Variants in KLF14 observed in about 807,000 individuals in gnomAD.
KLF14 encodes KLF transcription factor 14, also known as Krueppel-like factor 14.
A neutral mutation model predicts 16.2 loss-of-function variants in KLF14; 13 were observed. The observed-to-expected ratio is 0.80, with a 90% CI of 0.52 to 1.28. The LOEUF is 1.28. KLF14 is among the 50% of genes most tolerant of loss of function. The probability of loss-of-function intolerance (pLI) is 0.00; values close to 1 mark genes in which losing one functional copy is unlikely to be tolerated. For synonymous variants in KLF14, 276 were observed against 233.7 expected (o/e 1.18, Z -1.65); for missense variants, 571 against 493.4 (o/e 1.16, Z -1.49).
chr7:130,734,006 A>G lies in KLF14; in HGVS notation c.28T>C (p.Tyr10His). 7.4e-7 allele frequency: 1 copy of G among 1,354,820 alleles called. No individual in the cohort carries two copies. The highest frequency in any genetic ancestry group is 9.5e-7 in the Non-Finnish European group (1 of 1,047,872). 83.9% of individuals were successfully genotyped at this position (1,354,820 alleles called of 1,614,324 possible). A position where few individuals can be genotyped will look rare whatever the true frequency, so the allele number is the denominator to read the frequency against. Reference sequence around the variant, plus strand: ...GACACCAGGCACTCGGCGGCGAAGTAGTCCAGGCACGCCACGGCGGCCGAC... The same window carrying G: ...GACACCAGGCACTCGGCGGCGAAGTGGTCCAGGCACGCCACGGCGGCCGAC... MSAAVACLD[Y>H]FAAECLVSMS... The change falls in exon 1 of 1, where the codon TAC becomes CAC. Residue 10 changes from tyrosine (Y) to histidine (H), a missense_variant. Coordinates refer to ENST00000583337, the MANE Select transcript of KLF14 (RefSeq NM_138693.4). This position sits in a 1 kb window ranked among gnomAD's most constrained non-coding sequence, Gnocchi z 4.4.
rs2116397691 is a variant in KLF14 at position 130,733,876 on chromosome 7, G to A, written c.158C>T (p.Pro53Leu). ...CGCGGGCCCCGGTGGCCCCGGACCC[G>A]GCAGAGCGGACTCCGGCGGCGCCGC... ...VGAAPPESAL[P>L]GPGPPGPASV... The change falls in exon 1 of 1, where the codon CCG becomes CTG. Residue 53 changes from proline (P) to leucine (L), a missense_variant. By Grantham distance (98) the Pro-to-Leu change is moderately conservative. Transcript: ENST00000583337. This position sits in a 1 kb window ranked among gnomAD's most constrained non-coding sequence, Gnocchi z 5.2. 13 of 1,335,652 alleles carry A rather than the reference G, an allele frequency of 9.7e-6. No homozygotes were observed. The South Asian group carries it at 2.1e-4, about 22-fold the overall frequency. The allele number at this position is 1,335,652 out of a possible 1,614,324, so 82.7% of individuals were successfully genotyped here.
chr7:130,731,782 G>C lies in KLF14; in HGVS notation c.*1280C>G, dbSNP rs965947347. On this transcript the variant is annotated 3_prime_UTR_variant, in exon 1 of 1. Transcript: ENST00000583337. ...CAGTGATTTCATCCACAGCAGCAGA[G>C]ACACATATAGAAAAAACAAATACTG... The C allele has an allele frequency of 1.3e-5, 2 of 152,132 alleles. No homozygotes were observed. The highest frequency in any genetic ancestry group is 6.5e-5 in the Admixed American group (1 of 15,268). The allele number at this position is 152,132 out of a possible 1,614,324, so 9.4% of individuals were successfully genotyped here.
rs1797227635 is a variant in KLF14 at position 130,733,392 on chromosome 7, G to A, written c.642C>T (p.Ser214=). The A allele has an allele frequency of 6.2e-6, 10 of 1,614,048 alleles. No individual in the cohort carries two copies. Among genetic ancestry groups the A allele is most frequent in the South Asian group, 1.1e-5 (1 of 91,086 alleles). ...GCTCACCCGTGTGGGTGCGCTGGTG[G>A]GACTTGAGGTGCGACGACTTGTAAT... is the stretch of plus-strand genomic sequence containing the variant. The part of the protein sequence containing the change: ...KAYYKSSHLK[S]HQRTHTGERP... The change falls in exon 1 of 1, where the codon TCC becomes TCT. Residue 214 remains serine (S), a synonymous_variant. Coordinates refer to ENST00000583337, the MANE Select transcript of KLF14 (RefSeq NM_138693.4). The surrounding 1 kb of genome is among the most constrained non-coding windows in gnomAD (Gnocchi z 5.2).
In KLF14 at chr7:130,733,575, C is replaced by A. The variant is rs138225855; in HGVS notation, c.459G>T (p.Ala153=). The A allele has an allele frequency of 0.014, 21,827 of 1,551,734 alleles. 209 individuals carry two copies. The highest frequency in any genetic ancestry group is 0.017 in the Non-Finnish European group (19,125 of 1,149,178). Residue 153 remains alanine, a synonymous_variant, in exon 1 of 1, where the codon GCG becomes GCT. Coordinates refer to ENST00000583337, the MANE Select transcript of KLF14 (RefSeq NM_138693.4). The surrounding 1 kb of genome is among the most constrained non-coding windows in gnomAD (Gnocchi z 5.2). Reference sequence around the variant, plus strand: ...CTGCTGGTGCGCCCGGGGCAGCAGGCGCGCTTGGGACGGCGGGCGCATCGG... The same window carrying A: ...CTGCTGGTGCGCCCGGGGCAGCAGGAGCGCTTGGGACGGCGGGCGCATCGG... ...SSSDAPAVPS[A]PAAPGAPAAS...
In KLF14 at chr7:130,733,247, G is replaced by C; in HGVS notation, c.787C>G (p.Gln263Glu). Residue 263 changes from glutamine (Q) to glutamate (E), a missense_variant, in exon 1 of 1, where the codon CAG becomes GAG. Transcript: ENST00000583337. The surrounding 1 kb of genome is among the most constrained non-coding windows in gnomAD (Gnocchi z 5.2). ...KRFSCPLCPK[Q>E]FSRSDHLTKH... is the part of the protein sequence containing the mutation. ...GTCAGGTGGTCGCTCCGGGAGAACT[G>C]CTTGGGGCAGAGGGGGCAGGAGAAG... is the stretch of plus-strand genomic sequence containing the variant. 1 of 1,612,396 alleles carries C rather than the reference G, an allele frequency of 6.2e-7. No homozygotes were observed. The highest frequency in any genetic ancestry group is 2.2e-5 in the East Asian group (1 of 44,796).
At position 130,734,079 on chromosome 7, in the gene KLF14, G is replaced by T; in HGVS notation, c.-46C>A. 1 of 1,135,570 alleles carries T rather than the reference G, an allele frequency of 8.8e-7. No homozygotes were observed. Among genetic ancestry groups the T allele is most frequent in the Non-Finnish European group, 1.1e-6 (1 of 919,302 alleles). The allele number at this position is 1,135,570 out of a possible 1,614,324, so 70.3% of individuals were successfully genotyped here. A position where few individuals can be genotyped will look rare whatever the true frequency, so the allele number is the denominator to read the frequency against. ...GGCGAGCGCCGTCCGAACGCGGCCG[G>T]CCGCGGGCGACGGAGTTCCCGGGAG... is the stretch of plus-strand genomic sequence containing the variant. On this transcript the variant is annotated 5_prime_UTR_variant, in exon 1 of 1. Transcript: ENST00000583337. This position sits in a 1 kb window ranked among gnomAD's most constrained non-coding sequence, Gnocchi z 4.4.
At position 130,732,984 on chromosome 7, in the gene KLF14, G is replaced by T; in HGVS notation, c.*78C>A. The T allele has an allele frequency of 6.7e-7, 1 of 1,483,322 alleles. No individual in the cohort carries two copies. 91.9% of individuals were successfully genotyped at this position (1,483,322 alleles called of 1,614,324 possible). A position where few individuals can be genotyped will look rare whatever the true frequency, so the allele number is the denominator to read the frequency against. On this transcript the variant is annotated 3_prime_UTR_variant, in exon 1 of 1. Coordinates refer to ENST00000583337, the MANE Select transcript of KLF14 (RefSeq NM_138693.4). ...GCCTTGGTGTAATGACTCTGGGAAA[G>T]AAGGATGGGCAGAGAGAAAGCAGGG...
rs1243351026 is a variant in KLF14 at position 130,731,921 on chromosome 7, T to G, written c.*1141A>C. 1.3e-5 allele frequency: 2 copies of G among 152,184 alleles called. No homozygotes were observed. Among genetic ancestry groups the G allele is most frequent in the Non-Finnish European group, 2.9e-5 (2 of 68,046 alleles). 9.4% of individuals were successfully genotyped at this position (152,184 alleles called of 1,614,324 possible). A position where few individuals can be genotyped will look rare whatever the true frequency, so the allele number is the denominator to read the frequency against. On this transcript the variant is annotated 3_prime_UTR_variant, in exon 1 of 1. Transcript: ENST00000583337. Reference sequence around the variant, plus strand: ...TTCATAATAGCTATCACCTTGCTACTCCTTCCTCAAATCCAAGGCAGCCAG... The same window carrying G: ...TTCATAATAGCTATCACCTTGCTACGCCTTCCTCAAATCCAAGGCAGCCAG...
chr7:130,733,030 C>T lies in KLF14; in HGVS notation c.*32G>A, dbSNP rs1554470751. ...CAGGGACAACGGCCTGGGGGATCATCCTTGAGGGTAAGACTGACAGCAATG... is the reference window on the plus strand; with the variant it reads ...CAGGGACAACGGCCTGGGGGATCATTCTTGAGGGTAAGACTGACAGCAATG... On this transcript the variant is annotated 3_prime_UTR_variant, in exon 1 of 1. Coordinates refer to ENST00000583337, the MANE Select transcript of KLF14 (RefSeq NM_138693.4). This position sits in a 1 kb window ranked among gnomAD's most constrained non-coding sequence, Gnocchi z 5.2. 6.5e-7 allele frequency: 1 copy of T among 1,528,884 alleles called. No homozygotes were observed. The highest frequency in any genetic ancestry group is 8.8e-7 in the Non-Finnish European group (1 of 1,139,948). 94.7% of individuals were successfully genotyped at this position (1,528,884 alleles called of 1,614,324 possible).
rs991010200 is a variant in KLF14, at chr7:130,732,283, T to C, written c.*779A>G. 2 of 152,308 alleles carry C rather than the reference T, an allele frequency of 1.3e-5. No homozygotes were observed. The highest frequency in any genetic ancestry group is 4.1e-4 in the South Asian group (2 of 4,820). 9.4% of individuals were successfully genotyped at this position (152,308 alleles called of 1,614,324 possible). ...GGTAGTTTTCAAATTGTTTAACCAA[T>C]CTCAGCGTGAGAGTGAGCCAGGAAG... is the stretch of plus-strand genomic sequence containing the variant. On this transcript the variant is annotated 3_prime_UTR_variant, in exon 1 of 1. Coordinates refer to ENST00000583337, the MANE Select transcript of KLF14 (RefSeq NM_138693.4).
Position 130,733,834 on chromosome 7 carries a change from G to A in KLF14, c.200C>T (p.Pro67Leu), listed in dbSNP as rs1391411877. 2.9e-6 allele frequency: 4 copies of A among 1,377,912 alleles called. No individual in the cohort carries two copies. Among genetic ancestry groups the A allele is most frequent in the Non-Finnish European group, 3.7e-6 (4 of 1,076,448 alleles). The allele number at this position is 1,377,912 out of a possible 1,614,324, so 85.4% of individuals were successfully genotyped here. ...PPGPASVPQL[P>L]QVPAPSPGAG... Reference sequence around the variant, plus strand: ...GCCGGGGCTGGGGGCGGGGACCTGCGGGAGCTGGGGGACCGACGCGGGCCC... The same window carrying A: ...GCCGGGGCTGGGGGCGGGGACCTGCAGGAGCTGGGGGACCGACGCGGGCCC... The change falls in exon 1 of 1, where the codon CCG becomes CTG. Residue 67 changes from proline to leucine, a missense_variant. Pro to Leu is a moderately conservative substitution (Grantham distance 98). Transcript: ENST00000583337. This position sits in a 1 kb window ranked among gnomAD's most constrained non-coding sequence, Gnocchi z 5.2.
In KLF14 at chr7:130,733,070, A is replaced by C. The variant is rs782398099; in HGVS notation, c.964T>G (p.Cys322Gly). The C allele has an allele frequency of 2.6e-6, 4 of 1,563,426 alleles. No homozygotes were observed. The highest frequency in any genetic ancestry group is 3.5e-6 in the Non-Finnish European group (4 of 1,153,558). ...GPGPAPSFTTCL is the reference protein window; with the variant it reads ...GPGPAPSFTTGL ...TGACAGCAATGACTGTCCTACAGGC[A>C]GGTGGTGAAGCTGGGCGCCGGGCCG... is the stretch of plus-strand genomic sequence containing the variant. The change falls in exon 1 of 1, where the codon TGC (cysteine) becomes GGC (glycine). Residue 322 changes from cysteine to glycine, a missense_variant. Physicochemically the swap from Cys to Gly is radical, Grantham distance 159. Coordinates refer to ENST00000583337, the MANE Select transcript of KLF14 (RefSeq NM_138693.4). This position sits in a 1 kb window ranked among gnomAD's most constrained non-coding sequence, Gnocchi z 5.2.
In KLF14 at chr7:130,734,059, G is replaced by GCGCCGTCCGAA; in HGVS notation, c.-37_-27dup. On this transcript the variant is annotated 5_prime_UTR_variant, in exon 1 of 1. Coordinates refer to ENST00000583337, the MANE Select transcript of KLF14 (RefSeq NM_138693.4). The surrounding 1 kb of genome is among the most constrained non-coding windows in gnomAD (Gnocchi z 4.4). The stretch of plus-strand genomic sequence containing the variant: ...GCTGGGACCGCCCGGCCGCCGGCGA[G>GCGCCGTCCGAA]CGCCGTCCGAACGCGGCCGGCCGCG... 8.3e-7 allele frequency: 1 copy of GCGCCGTCCGAA among 1,204,564 alleles called. No homozygotes were observed. The highest frequency in any genetic ancestry group is 3.3e-5 in the South Asian group (1 of 30,418). The allele number at this position is 1,204,564 out of a possible 1,614,324, so 74.6% of individuals were successfully genotyped here.
chr7:130,732,905 C>T lies in KLF14; in HGVS notation c.*157G>A. On this transcript the variant is annotated 3_prime_UTR_variant, in exon 1 of 1. Transcript: ENST00000583337. ...CTATTTTCCGGCCCCCAGTACCTCC[C>T]CAGAGTCCACATGTCTGCCTGGACC... The T allele has an allele frequency of 1.1e-6, 1 of 917,046 alleles. No individual in the cohort carries two copies. The highest frequency in any genetic ancestry group is 1.6e-6 in the Non-Finnish European group (1 of 629,316). 56.8% of individuals were successfully genotyped at this position (917,046 alleles called of 1,614,324 possible).
Position 130,732,890 on chromosome 7 carries a change from G to T in KLF14, c.*172C>A. ...TTGCAAGAATTCCCGCTATTTTCCG[G>T]CCCCCAGTACCTCCCCAGAGTCCAC... On this transcript the variant is annotated 3_prime_UTR_variant, in exon 1 of 1. Coordinates refer to ENST00000583337, the MANE Select transcript of KLF14 (RefSeq NM_138693.4). The T allele has an allele frequency of 1.3e-6, 1 of 793,042 alleles. No homozygotes were observed. Among genetic ancestry groups the T allele is most frequent in the Non-Finnish European group, 1.9e-6 (1 of 522,348 alleles). 49.1% of individuals were successfully genotyped at this position (793,042 alleles called of 1,614,324 possible). A position where few individuals can be genotyped will look rare whatever the true frequency, so the allele number is the denominator to read the frequency against.
In KLF14 at chr7:130,733,289, G is replaced by T. The variant is rs1797224879; in HGVS notation, c.745C>A (p.His249Asn). The T allele has an allele frequency of 6.2e-7, 1 of 1,613,848 alleles. No homozygotes were observed. The highest frequency in any genetic ancestry group is 1.1e-5 in the South Asian group (1 of 91,044). Residue 249 changes from histidine to asparagine, a missense_variant, in exon 1 of 1, where the codon CAC becomes AAC. His to Asn is a moderately conservative substitution (Grantham distance 68). Transcript: ENST00000583337. This position sits in a 1 kb window ranked among gnomAD's most constrained non-coding sequence, Gnocchi z 5.2. The part of the protein sequence containing the change: ...SDELARHYRT[H>N]TGEKRFSCPL... Reference sequence around the variant, plus strand: ...CAGGAGAAGCGCTTCTCGCCCGTGTGCGTCCTGTAGTGGCGGGCCAGCTCG... The same window carrying T: ...CAGGAGAAGCGCTTCTCGCCCGTGTTCGTCCTGTAGTGGCGGGCCAGCTCG...
chr7:130,734,060 C>T lies in KLF14; in HGVS notation c.-27G>A. 8.3e-7 allele frequency: 1 copy of T among 1,201,820 alleles called. No individual in the cohort carries two copies. The highest frequency in any genetic ancestry group is 1.0e-6 in the Non-Finnish European group (1 of 971,290). 74.4% of individuals were successfully genotyped at this position (1,201,820 alleles called of 1,614,324 possible). On this transcript the variant is annotated 5_prime_UTR_variant, in exon 1 of 1. Transcript: ENST00000583337. The surrounding 1 kb of genome is among the most constrained non-coding windows in gnomAD (Gnocchi z 4.4). The stretch of plus-strand genomic sequence containing the variant: ...CTGGGACCGCCCGGCCGCCGGCGAG[C>T]GCCGTCCGAACGCGGCCGGCCGCGG...
Position 130,733,948 on chromosome 7 carries a change from G to A in KLF14, c.86C>T (p.Pro29Leu), listed in dbSNP as rs1797255641. The A allele has an allele frequency of 7.3e-7, 1 of 1,367,044 alleles. No individual in the cohort carries two copies. The highest frequency in any genetic ancestry group is 9.5e-7 in the Non-Finnish European group (1 of 1,056,608). The allele number at this position is 1,367,044 out of a possible 1,614,324, so 84.7% of individuals were successfully genotyped here. The stretch of plus-strand genomic sequence containing the variant: ...TCCACCCGCGCCCTCGGGGTCCGGC[G>A]GGCGGCGGTGAACCACGGCGCCCGC... Reference protein sequence around the residue: ...MSAGAVVHRRPPDPEGAGGAA... With the variant: ...MSAGAVVHRRLPDPEGAGGAA... The change falls in exon 1 of 1, where the codon CCG becomes CTG. Residue 29 changes from proline to leucine, a missense_variant. Transcript: ENST00000583337. The surrounding 1 kb of genome is among the most constrained non-coding windows in gnomAD (Gnocchi z 5.2).
At position 130,732,500 on chromosome 7, in the gene KLF14, G is replaced by A. The variant is rs1797205441; in HGVS notation, c.*562C>T. 6.6e-6 allele frequency: 1 copy of A among 152,498 alleles called. No homozygotes were observed. Among genetic ancestry groups the A allele is most frequent in the South Asian group, 2.1e-4 (1 of 4,838 alleles). 9.4% of individuals were successfully genotyped at this position (152,498 alleles called of 1,614,324 possible). A position where few individuals can be genotyped will look rare whatever the true frequency, so the allele number is the denominator to read the frequency against. ...AGCTGGGGCAATTGGGGGATTGGAG[G>A]GCATAAGCCTCCCATCAACCTGGGA... is the stretch of plus-strand genomic sequence containing the variant. On this transcript the variant is annotated 3_prime_UTR_variant, in exon 1 of 1. Transcript: ENST00000583337.
Sources: allele counts gnomAD v4.1 joint callset, GRCh38; gene constraint gnomAD v4.1.1; non-coding constraint Gnocchi (gnomAD v3.1); transcripts MANE v1.5; gene names NCBI Gene and HGNC (gene_info 2026-07-23, HGNC 2026-07-21).